Variants in NDUFB5 observed in about 807,000 individuals in gnomAD.
NDUFB5 encodes the protein NADH dehydrogenase [ubiquinone] 1 beta subcomplex subunit 5, mitochondrial.
NDUFB5 carries 19 observed loss-of-function variants against 19.4 expected under a neutral mutation model. The observed-to-expected ratio is 0.98, with a 90% confidence interval of 0.68 to 1.43. The LOEUF is 1.43. Among genes scored for constraint, NDUFB5 ranks in the 40% most tolerant of loss-of-function variants. NDUFB5 has a pLI of 0.00. For missense variants in NDUFB5, 233 were observed against 236.5 expected (o/e 0.99, Z 0.10); for synonymous variants, 80 against 82.6 (o/e 0.97, Z 0.17).
intron 1 of NDUFB5, among the ~76,000 whole-genome samples, chr3:179,608,140 C>T (rs1204377813): frequency 6.6e-6 from 1 of 151,886 alleles, no homozygotes; most frequent in Non-Finnish European, 1.5e-5. Flanking sequence ...TTCTTGCCAT[C>T]CAATAATGAG....
intron 5 of NDUFB5, among the ~76,000 whole-genome samples, chr3:179,619,413 A>G (rs1576884044): frequency 6.8e-6 from 1 of 147,136 alleles, no homozygotes; most frequent in East Asian, 2.0e-4. Context: ...ATGTGTTCTC[A>G]TTGTTCAATT....
At chr3:179,605,535 G>A (rs1293677975) in intron 1 of NDUFB5, among the ~76,000 whole-genome samples, 1 of 151,924 alleles carries the variant, frequency 6.6e-6, no homozygotes, top group African/African-American at 2.4e-5. Context: ...GCGCGATCTT[G>A]GCTCACTGCA....
intron 3 of NDUFB5, 127 bp downstream of exon 3, chr3:179,616,176 T>A: frequency 1.4e-6 from 1 of 699,532 alleles, no homozygotes. Flanking sequence ...AGCATAAGCA[T>A]GGCAGTTTAT....
At chr3:179,612,274 A>G (rs910407528) in intron 1 of NDUFB5, among the ~76,000 whole-genome samples, 1 of 151,604 alleles carries the variant, frequency 6.6e-6, no homozygotes, top group African/African-American at 2.4e-5. Context: ...TCTCGATCCC[A>G]GGAGTTTGAG....
chr3:179,607,687 A>G (rs1719139815), intron 1 of NDUFB5: 2 of 693,716 alleles, frequency 2.9e-6, no homozygotes, highest in African/African-American at 3.5e-5. Flanking sequence ...CAACTCCAGA[A>G]CTTTTTTCAT....
chr3:179,621,342 G>A (rs1719529000), intron 5 of NDUFB5, among the ~76,000 whole-genome samples: 1 of 152,002 alleles, frequency 6.6e-6, no homozygotes, highest in Non-Finnish European at 1.5e-5. Flanking sequence ...CTCCCAAAAT[G>A]CTGAGATTAC....
intron 5 of NDUFB5, among the ~76,000 whole-genome samples, chr3:179,622,107 A>G (rs1347304934): frequency 6.6e-6 from 1 of 152,112 alleles, no homozygotes; most frequent in African/African-American, 2.4e-5. Flanking sequence ...AGCTGGGACC[A>G]CAGGTGCTGG....
At position 179,618,295 on chromosome 3, in the gene NDUFB5, A is replaced by G. The variant is rs2108400874; in HGVS notation, c.343-120A>G. ...AAATTATTTTATATATAGGTATATT[A>G]GTTACATAGTAGATGTTACTGGTTT... On this transcript the variant is annotated intron_variant, in intron 4 of 5. Coordinates refer to ENST00000259037, the MANE Select transcript of NDUFB5 (RefSeq NM_002492.4). 4 of 586,344 alleles carry G rather than the reference A, an allele frequency of 6.8e-6. 1 individual carries two copies. The highest frequency in any genetic ancestry group is 8.7e-4 in the Middle Eastern group (2 of 2,292). The allele number at this position is 586,344 out of a possible 1,614,324, so 36.3% of individuals were successfully genotyped here. A position where few individuals can be genotyped will look rare whatever the true frequency, so the allele number is the denominator to read the frequency against.
rs1576888488 is a variant in NDUFB5, at chr3:179,626,437, A to G, written c.*2397A>G. On this transcript the variant is annotated 3_prime_UTR_variant, in exon 6 of 6. Coordinates refer to ENST00000259037, the MANE Select transcript of NDUFB5 (RefSeq NM_002492.4). ...TTTTTTGTAGCGACTGGGTTTCACCATGTTGCCCAGGCTGGTCTTGAACTC... is the reference window on the plus strand; with the variant it reads ...TTTTTTGTAGCGACTGGGTTTCACCGTGTTGCCCAGGCTGGTCTTGAACTC... 2 of 152,204 alleles carry G rather than the reference A, an allele frequency of 1.3e-5. No individual in the cohort carries two copies. Among genetic ancestry groups the G allele is most frequent in the East Asian group, 1.9e-4 (1 of 5,184 alleles). The allele number at this position is 152,204 out of a possible 1,614,324, so 9.4% of individuals were successfully genotyped here. A position where few individuals can be genotyped will look rare whatever the true frequency, so the allele number is the denominator to read the frequency against.
At chr3:179,611,729 C>G (rs1186406341) in intron 1 of NDUFB5, among the ~76,000 whole-genome samples, 2 of 151,966 alleles carry the variant, frequency 1.3e-5, no homozygotes, top group African/African-American at 2.4e-5. Flanking sequence ...ACAAAAAGTT[C>G]CCACATTCCC....
Position 179,624,526 on chromosome 3 carries a change from G to A in NDUFB5, c.*486G>A, listed in dbSNP as rs200229857. ...TAATGCTTTCATGGTTTTTTTTTTT[G>A]CCATGTATTGTTCTTTTTTAAACTA... On this transcript the variant is annotated 3_prime_UTR_variant, in exon 6 of 6. Coordinates refer to ENST00000259037, the MANE Select transcript of NDUFB5 (RefSeq NM_002492.4). 7.9e-6 allele frequency: 1 copy of A among 125,834 alleles called. No homozygotes were observed. The highest frequency in any genetic ancestry group is 8.0e-5 in the Admixed American group (1 of 12,488). The allele number at this position is 125,834 out of a possible 1,614,324, so 7.8% of individuals were successfully genotyped here. A position where few individuals can be genotyped will look rare whatever the true frequency, so the allele number is the denominator to read the frequency against.
chr3:179,613,053 C>A (rs1719289014), intron 1 of NDUFB5, among the ~76,000 whole-genome samples: 2 of 152,102 alleles, frequency 1.3e-5, no homozygotes, highest in African/African-American at 2.4e-5. Context: ...TATGTTGAAT[C>A]CTTTTAGATT....
At chr3:179,609,529 T>G (rs898863013) in intron 1 of NDUFB5, among the ~76,000 whole-genome samples, 8 of 152,168 alleles carry the variant, frequency 5.3e-5, no homozygotes, top group East Asian at 1.9e-4. Flanking sequence ...GAACAGGATG[T>G]TGTGCCTGTG....
chr3:179,621,091 C>G (rs189125972), intron 5 of NDUFB5, among the ~76,000 whole-genome samples: 4 of 151,926 alleles, frequency 2.6e-5, no homozygotes, highest in South Asian at 2.1e-4. Context: ...TTCTTCCCCC[C>G]GCCCGAGACA....
intron 5 of NDUFB5, among the ~76,000 whole-genome samples, chr3:179,618,747 AG>A (rs910148810): frequency 6.6e-6 from 1 of 152,124 alleles, no homozygotes; most frequent in African/African-American, 2.4e-5. Flanking sequence ...GCTACTCAAG[AG>A]GCTGAGGCAG....
chr3:179,615,561 A>C (rs934305753), intron 2 of NDUFB5: 4 of 461,742 alleles, frequency 8.7e-6, no homozygotes, highest in African/African-American at 8.0e-5. Flanking sequence ...TCAAGGCTCT[A>C]TACGAACAAA....
intron 1 of NDUFB5, among the ~76,000 whole-genome samples, chr3:179,605,793 CT>C (rs1198004326): frequency 2.1e-3 from 288 of 134,840 alleles, no homozygotes; most frequent in Middle Eastern, 4.1e-3. Flanking sequence ...ATAATACAGT[CT>C]TTTTTTTTTT....
Position 179,607,492 on chromosome 3 carries a change from A to C in NDUFB5, c.124+2553A>C, listed in dbSNP as rs564457123. Reference sequence around the variant, plus strand: ...TTCCTCCTCTTTAAAAAAGATGAGAATTTTAACCTGCCTCAAAAGGTAGTT... The same window carrying C: ...TTCCTCCTCTTTAAAAAAGATGAGACTTTTAACCTGCCTCAAAAGGTAGTT... On this transcript the variant is annotated intron_variant, in intron 1 of 5. Coordinates refer to ENST00000259037, the MANE Select transcript of NDUFB5 (RefSeq NM_002492.4). 3.9e-5 allele frequency among the ~76,000 whole-genome samples: 6 copies of C among 152,362 alleles called. No individual in the cohort carries two copies. The East Asian group carries it at 1.2e-3, about 29-fold the overall frequency.
chr3:179,616,851 T>TA (rs1444461618), intron 3 of NDUFB5, 132 bp from the exon 4 acceptor site: 1 of 655,570 alleles, frequency 1.5e-6, no homozygotes, highest in African/African-American at 1.8e-5. Context: ...AAATACTACA[T>TA]ATCTTCATTG....
Sources: allele counts gnomAD v4.1 joint callset (sites outside exome capture counted in the v4.1 genomes callset), GRCh38; gene constraint gnomAD v4.1.1; transcripts MANE v1.5; gene names NCBI Gene and HGNC (gene_info 2026-07-23, HGNC 2026-07-21).